MAN1A2: variants seen among roughly 807,000 people sequenced by gnomAD.
MAN1A2 encodes the protein mannosidase alpha class 1A member 2.
In MAN1A2, 26 loss-of-function variants were observed where a neutral mutation model predicts 75.7. That is an observed-to-expected ratio of 0.34 (90% CI 0.25 to 0.48). MAN1A2 has a LOEUF of 0.48. MAN1A2 is among the 20% of genes least tolerant of loss of function. The pLI is 0.99. For missense variants in MAN1A2, 562 were observed against 775.5 expected, an observed-to-expected ratio of 0.72 and a Z score of 3.27; for synonymous variants, 247 against 264.6, an observed-to-expected ratio of 0.93 and a Z score of 0.65.
At chr1:117,452,944 T>G (rs914553070) in intron 6 of MAN1A2, among the ~76,000 whole-genome samples, 17 of 152,218 alleles carry the variant, frequency 1.1e-4, no homozygotes, top group African/African-American at 4.1e-4. Context: ...CTGATGATTT[T>G]AAGTTGAAGC....
intron 6 of MAN1A2, among the ~76,000 whole-genome samples, chr1:117,447,108 CTT>C (rs948801833): frequency 6.6e-6 from 1 of 151,970 alleles, no homozygotes; most frequent in Admixed American, 6.6e-5. Context: ...TGGTTTATCT[CTT>C]TTTTTCCATT....
At chr1:117,429,588 C>T (rs1648520062) in intron 5 of MAN1A2, among the ~76,000 whole-genome samples, 2 of 109,664 alleles carry the variant, frequency 1.8e-5, no homozygotes, top group African/African-American at 3.5e-5. Flanking sequence ...GGGCTGACCC[C>T]CCCACCTCCC....
At chr1:117,512,750 T>TACACACACACAC (rs3050979) in intron 12 of MAN1A2, among the ~76,000 whole-genome samples, 2,292 of 143,822 alleles carry the variant, frequency 0.016, 42 homozygotes, top group East Asian at 0.042. Context: ...GGCACTGGGA[T>TACACACACACAC]ACACACACAC....
chr1:117,376,254 A>G (rs1468469680), intron 1 of MAN1A2, among the ~76,000 whole-genome samples: 1 of 152,202 alleles, frequency 6.6e-6, no homozygotes, highest in Non-Finnish European at 1.5e-5. Context: ...TATCTGGTAT[A>G]AGGAAGATGG....
intron 6 of MAN1A2, 106 bp from the exon 7 acceptor site, chr1:117,460,383 A>G: frequency 1.5e-6 from 1 of 668,826 alleles, no homozygotes; most frequent in Non-Finnish European, 2.5e-6. Context: ...ATCGTGTCAG[A>G]TATAATAATT....
At chr1:117,521,152 C>T (rs1322609559) in intron 12 of MAN1A2, among the ~76,000 whole-genome samples, 10 of 151,926 alleles carry the variant, frequency 6.6e-5, no homozygotes, top group Middle Eastern at 3.2e-3. Context: ...TCATCTTACA[C>T]GAAAATCAAC....
At chr1:117,466,913 G>T (rs573479277) in intron 8 of MAN1A2, among the ~76,000 whole-genome samples, 1 of 152,168 alleles carries the variant, frequency 6.6e-6, no homozygotes, top group African/African-American at 2.4e-5. Context: ...TTGAGATGGA[G>T]AAAGAACATA....
At chr1:117,444,307 C>CTGTTGCCATATA (rs1649139923) in intron 6 of MAN1A2, among the ~76,000 whole-genome samples, 1 of 151,696 alleles carries the variant, frequency 6.6e-6, no homozygotes, top group Non-Finnish European at 1.5e-5. Context: ...ACAATAGCAT[C>CTGTTGCCATATA]CTGTTATACA....
Position 117,489,000 on chromosome 1 carries a change from A to G in MAN1A2, c.1169-4147A>G, listed in dbSNP as rs1001565922. Among the ~76,000 whole-genome samples the G allele has an allele frequency of 1.3e-4, 20 of 152,058 alleles. 1 individual carries two copies. The highest frequency in any genetic ancestry group is 1.1e-3 in the Admixed American group (17 of 15,246). On this transcript the variant is annotated intron_variant, in intron 8 of 12. Transcript: ENST00000356554. Reference sequence around the variant, plus strand: ...TAAAAACACATTTTGAGAAGTATCAAACTATATAGATAATTCTGAAATTTG... The same window carrying G: ...TAAAAACACATTTTGAGAAGTATCAGACTATATAGATAATTCTGAAATTTG...
At chr1:117,499,904 A>G (rs1651148054) in intron 11 of MAN1A2, among the ~76,000 whole-genome samples, 1 of 151,590 alleles carries the variant, frequency 6.6e-6, no homozygotes, top group African/African-American at 2.4e-5. Context: ...GTCTTTTATG[A>G]AAGTATAGCT....
chr1:117,504,835 T>C (rs902362233), intron 12 of MAN1A2, among the ~76,000 whole-genome samples: 1 of 151,426 alleles, frequency 6.6e-6, no homozygotes, highest in African/African-American at 2.4e-5. Context: ...GATTTTTTTC[T>C]AATTGTTCCA....
chr1:117,393,488 G>T (rs3767793), intron 1 of MAN1A2, among the ~76,000 whole-genome samples: 51,199 of 143,156 alleles, frequency 0.36, 8,927 homozygotes, highest in East Asian at 0.47. Context: ...TTTTTTTTTT[G>T]TGTGTGTGTG....
At chr1:117,419,476 A>G (rs1043505575) in intron 4 of MAN1A2, among the ~76,000 whole-genome samples, 4 of 152,136 alleles carry the variant, frequency 2.6e-5, no homozygotes, top group African/African-American at 9.7e-5. Context: ...GTGGGATGGA[A>G]TGATGATCGT....
At chr1:117,487,590 G>A (rs3767799) in intron 8 of MAN1A2, among the ~76,000 whole-genome samples, 38,115 of 151,952 alleles carry the variant, frequency 0.25, 5,575 homozygotes, top group East Asian at 0.47. Flanking sequence ...AAATGGTAGC[G>A]TCACTGAATG....
chr1:117,458,928 T>C (rs1180305416), intron 6 of MAN1A2, among the ~76,000 whole-genome samples: 1 of 152,164 alleles, frequency 6.6e-6, no homozygotes, highest in Non-Finnish European at 1.5e-5. Flanking sequence ...TTGAATCATC[T>C]AGACTTCCAG....
At chr1:117,480,299 G>A (rs377640931) in intron 8 of MAN1A2, among the ~76,000 whole-genome samples, 1 of 151,738 alleles carries the variant, frequency 6.6e-6, no homozygotes, top group South Asian at 2.1e-4. Flanking sequence ...GAGTCCATAG[G>A]TCTGTGCCTT....
chr1:117,368,691 A>G (rs1016556411), intron 1 of MAN1A2, among the ~76,000 whole-genome samples: 2 of 152,022 alleles, frequency 1.3e-5, no homozygotes, highest in Non-Finnish European at 2.9e-5. Flanking sequence ...GACTGGTAGG[A>G]CTGGAGTCCT....
chr1:117,453,345 A>C (rs1249912643), intron 6 of MAN1A2, among the ~76,000 whole-genome samples: 1 of 152,222 alleles, frequency 6.6e-6, no homozygotes, highest in African/African-American at 2.4e-5. Context: ...TAAATGGAAA[A>C]TCTTCTGGAA....
chr1:117,497,713 A>G (rs1481335824), intron 10 of MAN1A2, among the ~76,000 whole-genome samples: 4 of 151,868 alleles, frequency 2.6e-5, no homozygotes, highest in Non-Finnish European at 5.9e-5. Flanking sequence ...TTTTTAAAAA[A>G]GACAAAAGGT....
Sources: gnomAD v4.1 joint callset for allele counts (sites outside exome capture counted in the v4.1 genomes callset) on GRCh38, gnomAD v4.1.1 for gene constraint, MANE v1.5 for transcripts, NCBI Gene and HGNC (gene_info 2026-07-23, HGNC 2026-07-21) for gene names.